The following CHST9 variants were observed in gnomAD, a reference collection of about 807,000 sequenced individuals.
CHST9 encodes the protein GalNAc-4-sulfotransferase 2.
A neutral mutation model predicts 44.4 loss-of-function variants in CHST9; 41 were observed. The observed-to-expected ratio is 0.92, with a 90% CI of 0.72 to 1.20. The LOEUF (loss-of-function observed/expected upper bound fraction) is 1.20. Among genes scored for constraint, CHST9 ranks in the 50% most tolerant of loss-of-function variants. The pLI, the probability that CHST9 is intolerant of heterozygous loss-of-function variation, is 0.00. For synonymous variants in CHST9, 171 were observed against 178.4 expected, an observed-to-expected ratio of 0.96 and a Z score of 0.33; for missense variants, 504 against 516.5, an observed-to-expected ratio of 0.98 and a Z score of 0.23.
chr18:27,045,635 T>C (rs1401643039), intron 3 of CHST9, among the ~76,000 whole-genome samples: 1 of 152,004 alleles, frequency 6.6e-6, no homozygotes, highest in Non-Finnish European at 1.5e-5. Context: ...CCAAATTTAG[T>C]TTTGATGTTT....
At chr18:27,011,212 C>A (rs748607716) in intron 4 of CHST9, among the ~76,000 whole-genome samples, 2 of 152,174 alleles carry the variant, frequency 1.3e-5, no homozygotes, top group Non-Finnish European at 1.5e-5. Context: ...AGCCTATAAT[C>A]ATATGCATTA....
intron 4 of CHST9, among the ~76,000 whole-genome samples, chr18:27,023,384 A>G (rs772386869): frequency 2.0e-4 from 31 of 152,294 alleles, no homozygotes; most frequent in Middle Eastern, 3.4e-3. Flanking sequence ...ATTAGTTTGG[A>G]AAGGAGGAGA....
intron 5 of CHST9, among the ~76,000 whole-genome samples, chr18:26,922,369 T>G (rs192763148): frequency 6.6e-6 from 1 of 152,348 alleles, no homozygotes; most frequent in African/African-American, 2.4e-5. Flanking sequence ...CTGTACTTCC[T>G]GTGAGGAAAG....
chr18:27,169,016 T>A (rs9966141), intron 1 of CHST9, among the ~76,000 whole-genome samples: 1 of 151,694 alleles, frequency 6.6e-6, no homozygotes, highest in African/African-American at 2.4e-5. Flanking sequence ...GGAGTTGAAG[T>A]CATCAGTCCT....
chr18:27,128,520 G>A (rs952762669), intron 2 of CHST9, among the ~76,000 whole-genome samples: 2 of 152,074 alleles, frequency 1.3e-5, no homozygotes, highest in East Asian at 1.9e-4. Context: ...CACCCGCCTC[G>A]GCCTCCCAAA....
chr18:27,120,505 A>G (rs2058365594), intron 2 of CHST9, among the ~76,000 whole-genome samples: 1 of 152,138 alleles, frequency 6.6e-6, no homozygotes, highest in South Asian at 2.1e-4. Flanking sequence ...GCCATCTTAG[A>G]AACTGTAGGA....
At chr18:27,006,060 C>T (rs1370621653) in intron 4 of CHST9, among the ~76,000 whole-genome samples, 2 of 152,124 alleles carry the variant, frequency 1.3e-5, no homozygotes, top group African/African-American at 4.8e-5. Context: ...CTTGCACTCC[C>T]TGTACCACCA....
chr18:26,969,538 C>T (rs879939428), intron 4 of CHST9, among the ~76,000 whole-genome samples: 3 of 152,022 alleles, frequency 2.0e-5, no homozygotes, highest in Non-Finnish European at 2.9e-5. Flanking sequence ...GAAAACCGAC[C>T]GGGCTAGGCA....
intron 4 of CHST9, among the ~76,000 whole-genome samples, chr18:27,002,415 T>C (rs137862271): frequency 1.8e-4 from 28 of 152,314 alleles, no homozygotes; most frequent in African/African-American, 6.0e-4. Context: ...CCTTGACTTA[T>C]GATGGATCAG....
chr18:27,015,029 T>C (rs1053516730), intron 4 of CHST9, among the ~76,000 whole-genome samples: 7 of 152,200 alleles, frequency 4.6e-5, no homozygotes, highest in Admixed American at 4.6e-4. Flanking sequence ...ATGAAGTTAA[T>C]GATTTACTTC....
Position 27,159,181 on chromosome 18 carries a change from C to T in CHST9, c.-96-16276G>A, listed in dbSNP as rs189415025. On this transcript the variant is annotated intron_variant, in intron 1 of 5. Coordinates refer to ENST00000618847, the MANE Select transcript of CHST9 (RefSeq NM_031422.6). ...TGGTGTTTTAGACATCAAGTTCTTG[C>T]CCATGCCTATGTCCTGAATGGTATT... Among the ~76,000 whole-genome samples the T allele has an allele frequency of 6.8e-4, 104 of 152,234 alleles. 1 individual carries two copies. Among genetic ancestry groups the T allele is most frequent in the Middle Eastern group, 3.4e-3 (1 of 294 alleles).
At chr18:27,163,059 G>A (rs781141123) in intron 1 of CHST9, among the ~76,000 whole-genome samples, 116 of 152,182 alleles carry the variant, frequency 7.6e-4, no homozygotes, top group African/African-American at 2.6e-3. Context: ...AGGTCTGTTG[G>A]AGTTTGCTGG....
At position 26,919,904 on chromosome 18, in the gene CHST9, G is replaced by C. The variant is rs577846629; in HGVS notation, c.241-2554C>G. On this transcript the variant is annotated intron_variant, in intron 5 of 5. Coordinates refer to ENST00000618847, the MANE Select transcript of CHST9 (RefSeq NM_031422.6). ...CTTCCTTGAACTACTTGTCTCTCCA[G>C]CCAGAAGATAGGGAGTGATTTCCCT... is the stretch of plus-strand genomic sequence containing the variant. 2.0e-5 allele frequency among the ~76,000 whole-genome samples: 3 copies of C among 152,222 alleles called. No individual in the cohort carries two copies. In the South Asian group the frequency reaches 6.2e-4, roughly 32 times the overall value.
At chr18:27,172,960 C>T (rs1435307405) in intron 1 of CHST9, among the ~76,000 whole-genome samples, 1 of 151,898 alleles carries the variant, frequency 6.6e-6, no homozygotes, top group East Asian at 1.9e-4. Flanking sequence ...TCTGCAGGAG[C>T]CCTAAATATC....
intron 2 of CHST9, among the ~76,000 whole-genome samples, chr18:27,116,846 C>A (rs751927468): frequency 1.3e-5 from 2 of 151,948 alleles, no homozygotes; most frequent in Non-Finnish European, 2.9e-5. Flanking sequence ...GTATTTTATT[C>A]TTTGTAATGC....
At chr18:27,087,267 G>GA (rs1318271608) in intron 2 of CHST9, among the ~76,000 whole-genome samples, 1 of 152,036 alleles carries the variant, frequency 6.6e-6, no homozygotes, top group Non-Finnish European at 1.5e-5. Context: ...AGGAAAAGAA[G>GA]AAAAAAATAA....
intron 4 of CHST9, among the ~76,000 whole-genome samples, chr18:27,002,302 G>C (rs994535854): frequency 2.0e-5 from 3 of 151,714 alleles, no homozygotes; most frequent in Non-Finnish European, 4.4e-5. Flanking sequence ...GCATTATGTA[G>C]CCTCCTGCAA....
chr18:27,152,549 A>G (rs1027499236), intron 1 of CHST9, among the ~76,000 whole-genome samples: 1 of 152,186 alleles, frequency 6.6e-6, no homozygotes, highest in Non-Finnish European at 1.5e-5. Context: ...TTTGAGTGAA[A>G]GAAAAATATC....
chr18:26,955,831 G>C (rs961908969), intron 4 of CHST9, among the ~76,000 whole-genome samples: 2 of 152,148 alleles, frequency 1.3e-5, no homozygotes, highest in African/African-American at 2.4e-5. Context: ...GGTAAAGCAA[G>C]GGCTGATTCA....
Sources: allele counts gnomAD v4.1 joint callset (sites outside exome capture counted in the v4.1 genomes callset), GRCh38; gene constraint gnomAD v4.1.1; transcripts MANE v1.5; gene names NCBI Gene and HGNC (gene_info 2026-07-23, HGNC 2026-07-21).